Variants in SPPL2A observed in about 807,000 individuals in gnomAD.
The protein encoded by SPPL2A is signal peptide peptidase like 2A, also known as signal peptide peptidase-like 2A.
In SPPL2A, 51 loss-of-function variants were observed where a neutral mutation model predicts 63.8. The observed-to-expected ratio is 0.80, with a 90% CI of 0.64 to 1.01. The LOEUF is 1.01. Ranked by LOEUF, SPPL2A falls within the 50% of genes least tolerant of loss-of-function variation. The pLI, the probability that SPPL2A is intolerant of heterozygous loss-of-function variation, is 0.00. For synonymous variants in SPPL2A, 188 were observed against 205.8 expected (o/e 0.91, Z 0.74); for missense variants, 553 against 622.7 (o/e 0.89, Z 1.19).
intron 1 of SPPL2A, among the ~76,000 whole-genome samples, chr15:50,754,275 C>T (rs1246452439): frequency 3.3e-5 from 5 of 152,136 alleles, no homozygotes; most frequent in East Asian, 3.8e-4. Context: ...ATTGACACAT[C>T]GTCATCATCC....
intron 12 of SPPL2A, among the ~76,000 whole-genome samples, chr15:50,723,206 T>C (rs1193258503): frequency 6.6e-6 from 1 of 152,210 alleles, no homozygotes. Context: ...ACATTGCTTA[T>C]GGGAATGTAA....
chr15:50,712,053 T>G (rs2062563112), intron 14 of SPPL2A, among the ~76,000 whole-genome samples: 1 of 152,144 alleles, frequency 6.6e-6, no homozygotes, highest in African/African-American at 2.4e-5. Flanking sequence ...TAAAGGCCAG[T>G]GGATGAAGGA....
intron 10 of SPPL2A, among the ~76,000 whole-genome samples, chr15:50,726,740 T>C (rs939157672): frequency 1.3e-5 from 2 of 152,226 alleles, no homozygotes; most frequent in African/African-American, 4.8e-5. Context: ...TGCCTTATAC[T>C]ATATGTTCTT....
intron 1 of SPPL2A, among the ~76,000 whole-genome samples, chr15:50,760,891 T>G (rs1567169587): frequency 6.6e-6 from 1 of 152,126 alleles, no homozygotes; most frequent in Non-Finnish European, 1.5e-5. Context: ...CAGCAACAGA[T>G]TTTTCTGCTG....
chr15:50,717,490 G>T (rs1224452856), intron 14 of SPPL2A, among the ~76,000 whole-genome samples: 4 of 152,016 alleles, frequency 2.6e-5, no homozygotes. Flanking sequence ...ACTTCTTATT[G>T]CAATAATTGT....
intron 11 of SPPL2A, chr15:50,725,990 A>ATT: frequency 1.1e-6 from 1 of 919,728 alleles, no homozygotes; most frequent in Non-Finnish European, 1.5e-6. Flanking sequence ...GGCAATCTGG[A>ATT]TTTTTTTTTC....
chr15:50,718,621 C>T (rs1393072128), intron 14 of SPPL2A, among the ~76,000 whole-genome samples: 1 of 152,106 alleles, frequency 6.6e-6, no homozygotes, highest in Non-Finnish European at 1.5e-5. Flanking sequence ...GTTGAGACAA[C>T]AGCTTTGTGA....
chr15:50,740,446 G>GA (rs71207378), intron 5 of SPPL2A, among the ~76,000 whole-genome samples: 304 of 123,514 alleles, frequency 2.5e-3, no homozygotes, highest in Non-Finnish European at 3.7e-3. Context: ...AAAAAAAAAA[G>GA]AAAAAAAAAA....
At chr15:50,721,506 C>A (rs2062646311) in intron 13 of SPPL2A, among the ~76,000 whole-genome samples, 1 of 151,742 alleles carries the variant, frequency 6.6e-6, no homozygotes, top group African/African-American at 2.4e-5. Context: ...TCATGACTTA[C>A]TGCAGCCTTG....
At position 50,747,755 on chromosome 15, in the gene SPPL2A, T is replaced by C. The variant is rs192254857; in HGVS notation, c.451-127A>G. 1.5e-3 allele frequency: 994 copies of C among 679,298 alleles called. 7 individuals carry two copies. Among genetic ancestry groups the C allele is most frequent in the Non-Finnish European group, 4.1e-4 (161 of 394,950 alleles). 42.1% of individuals were successfully genotyped at this position (679,298 alleles called of 1,614,324 possible). On this transcript the variant is annotated intron_variant, in intron 4 of 14. Transcript: ENST00000261854. ...CAGACAGTCAAGAAGACTAGAATTATTGTCTGATGACATGATATATTCTCT... is the reference window on the plus strand; with the variant it reads ...CAGACAGTCAAGAAGACTAGAATTACTGTCTGATGACATGATATATTCTCT...
chr15:50,749,785 T>C (rs1344735148), intron 1 of SPPL2A, 39 bp from the exon 2 acceptor site: 1 of 1,247,882 alleles, frequency 8.0e-7, no homozygotes, highest in Middle Eastern at 1.9e-4. Context: ...TGCAATGTTA[T>C]GGCTTGCCAA....
At chr15:50,758,024 C>T (rs938566907) in intron 1 of SPPL2A, among the ~76,000 whole-genome samples, 6 of 144,398 alleles carry the variant, frequency 4.2e-5, no homozygotes, top group Non-Finnish European at 6.0e-5. Flanking sequence ...CGCGGTGGCT[C>T]ACGCCTGTAA....
At chr15:50,761,992 T>C (rs1596402425) in intron 1 of SPPL2A, among the ~76,000 whole-genome samples, 1 of 151,806 alleles carries the variant, frequency 6.6e-6, no homozygotes, top group East Asian at 2.0e-4. Flanking sequence ...CAGAATCCCA[T>C]GACTGCGTCC....
rs1235489363 is a variant in SPPL2A at position 50,703,941 on chromosome 15, A to G, written c.*3859T>C. ...ATTATAAATGTATCAATTCACTAAA[A>G]TCTCTATGGACAAGTAAAATATAAG... On this transcript the variant is annotated 3_prime_UTR_variant, in exon 15 of 15. Transcript: ENST00000261854. 6.6e-6 allele frequency: 1 copy of G among 152,174 alleles called. No homozygotes were observed. Among genetic ancestry groups the G allele is most frequent in the Non-Finnish European group, 1.5e-5 (1 of 68,038 alleles). The allele number at this position is 152,174 out of a possible 1,614,324, so 9.4% of individuals were successfully genotyped here.
intron 2 of SPPL2A, 65 bp downstream of exon 2, chr15:50,749,571 C>T: frequency 9.4e-7 from 1 of 1,060,252 alleles, no homozygotes; most frequent in African/African-American, 1.6e-5. Context: ...CAGGCATGAG[C>T]CACCGTGCCC....
At chr15:50,755,201 C>A (rs1292874905) in intron 1 of SPPL2A, among the ~76,000 whole-genome samples, 1 of 151,710 alleles carries the variant, frequency 6.6e-6, no homozygotes, top group Non-Finnish European at 1.5e-5. Context: ...GCCTATAGTC[C>A]CAGCTACTCG....
At chr15:50,718,823 T>C (rs2062620571) in intron 14 of SPPL2A, among the ~76,000 whole-genome samples, 1 of 152,170 alleles carries the variant, frequency 6.6e-6, no homozygotes, top group East Asian at 1.9e-4. Context: ...TTTGAACTGT[T>C]TATCTACTAT....
intron 5 of SPPL2A, 100 bp from the exon 6 acceptor site, chr15:50,739,928 A>G (rs1423375692): frequency 1.2e-5 from 7 of 579,454 alleles, no homozygotes; most frequent in African/African-American, 3.9e-5. Context: ...GAAGAAAACA[A>G]TGTATTTTTA....
chr15:50,713,169 G>A (rs1403503304), intron 14 of SPPL2A, among the ~76,000 whole-genome samples: 2 of 151,396 alleles, frequency 1.3e-5, no homozygotes, highest in African/African-American at 4.9e-5. Flanking sequence ...CATAAACAAT[G>A]AGAGATTTTC....
Sources: gnomAD v4.1 joint callset for allele counts (sites outside exome capture counted in the v4.1 genomes callset) on GRCh38, gnomAD v4.1.1 for gene constraint, MANE v1.5 for transcripts, NCBI Gene and HGNC (gene_info 2026-07-23, HGNC 2026-07-21) for gene names.